Variants in GRIN2B observed in about 807,000 individuals in gnomAD.
GRIN2B encodes the protein glutamate ionotropic receptor NMDA type subunit 2B, also known as glutamate receptor ionotropic, NMDA 2B.
A neutral mutation model predicts 114.5 loss-of-function variants in GRIN2B; 5 were observed. That is an observed-to-expected ratio of 0.04 (90% confidence interval 0.02 to 0.09). GRIN2B has a LOEUF of 0.09. Among genes scored for constraint, GRIN2B ranks in the 10% least tolerant of loss-of-function variants. GRIN2B has a pLI of 1.00. For missense variants in GRIN2B, 1,108 were observed against 1,943.5 expected (o/e 0.57, Z 8.08); for synonymous variants, 787 against 745.1 (o/e 1.06, Z -0.92).
At chr12:13,573,179 C>T (rs1324757176) in intron 10 of GRIN2B, among the ~76,000 whole-genome samples, 5 of 149,362 alleles carry the variant, frequency 3.3e-5, no homozygotes, top group Admixed American at 3.3e-4. Flanking sequence ...CGGTCGGGCA[C>T]GGTGGCTCAC....
intron 2 of GRIN2B, among the ~76,000 whole-genome samples, chr12:13,948,306 A>G (rs1397607927): frequency 6.6e-6 from 1 of 152,126 alleles, no homozygotes; most frequent in Non-Finnish European, 1.5e-5. Flanking sequence ...ATATGTTTAA[A>G]TGCTAAATTC....
chr12:13,826,072 C>G (rs1177683141), intron 3 of GRIN2B, among the ~76,000 whole-genome samples: 2 of 149,962 alleles, frequency 1.3e-5, no homozygotes, highest in Non-Finnish European at 3.0e-5. Context: ...TTTTAGAGTT[C>G]TGTATTACTT....
chr12:13,975,863 G>A (rs183643306), intron 2 of GRIN2B, among the ~76,000 whole-genome samples: 1 of 152,284 alleles, frequency 6.6e-6, no homozygotes, highest in African/African-American at 2.4e-5. Context: ...CCACAGCCTG[G>A]GGCAGCCATG....
chr12:13,575,695 A>AATAATAATAATAATAATAATAATC (rs1591614710), intron 10 of GRIN2B, among the ~76,000 whole-genome samples: 1 of 148,170 alleles, frequency 6.7e-6, no homozygotes, highest in African/African-American at 2.6e-5. Context: ...TAATAATAAT[A>AATAATAATAATAATAATAATAATC]ATCAAAATAA....
chr12:13,856,517 G>T (rs757429365), intron 3 of GRIN2B, among the ~76,000 whole-genome samples: 3 of 152,140 alleles, frequency 2.0e-5, no homozygotes, highest in Non-Finnish European at 4.4e-5. Context: ...TACGAAGGTG[G>T]AACTATCAAG....
intron 5 of GRIN2B, among the ~76,000 whole-genome samples, chr12:13,626,818 C>CCCCCCCCCCCCCCCCCCCCCCCCCCCCCT (rs1649734494): frequency 1.6e-5 from 1 of 62,460 alleles, no homozygotes; most frequent in Admixed American, 2.0e-4. Flanking sequence ...CCCCTCCCCC[C>CCCCCCCCCCCCCCCCCCCCCCCCCCCCCT]CACCCTCCCC....
chr12:13,955,392 G>A (rs192964424), intron 2 of GRIN2B, among the ~76,000 whole-genome samples: 3 of 152,276 alleles, frequency 2.0e-5, no homozygotes, highest in East Asian at 3.9e-4. Context: ...CAAAGATGCT[G>A]AAAGATTAAC....
At chr12:13,635,878 A>T (rs1949662019) in intron 5 of GRIN2B, among the ~76,000 whole-genome samples, 5 of 152,192 alleles carry the variant, frequency 3.3e-5, no homozygotes, top group Admixed American at 2.0e-4. Flanking sequence ...TCGTTTATTC[A>T]GCAGGTATTA....
At chr12:13,751,074 G>C (rs938587792) in intron 4 of GRIN2B, among the ~76,000 whole-genome samples, 1 of 152,142 alleles carries the variant, frequency 6.6e-6, no homozygotes, top group Non-Finnish European at 1.5e-5. Context: ...GGTGGGAAGG[G>C]GCACGCTGGA....
chr12:13,615,483 G>C lies in GRIN2B; in HGVS notation c.1500+10C>G. On this transcript the variant is annotated intron_variant, in intron 7 of 13. Transcript: ENST00000609686. The surrounding 1 kb of genome is among the most constrained non-coding windows in gnomAD (Gnocchi z 5.8). ...AAATGGAAATGGAAACAGCCCTTGTGGACACTCACCTCTCCAATCATACCA... is the reference window on the plus strand; with the variant it reads ...AAATGGAAATGGAAACAGCCCTTGTCGACACTCACCTCTCCAATCATACCA... 1 of 1,608,008 alleles carries C rather than the reference G, an allele frequency of 6.2e-7. No homozygotes were observed.
intron 2 of GRIN2B, among the ~76,000 whole-genome samples, chr12:13,972,555 G>A (rs1862944327): frequency 6.6e-6 from 1 of 152,140 alleles, no homozygotes; most frequent in South Asian, 2.1e-4. Flanking sequence ...ATGTAGATGA[G>A]CAAATGCACA....
intron 3 of GRIN2B, among the ~76,000 whole-genome samples, chr12:13,774,011 A>G (rs2136648613): frequency 6.6e-6 from 1 of 152,286 alleles, no homozygotes; most frequent in South Asian, 2.1e-4. Flanking sequence ...GACCACTCAG[A>G]CTGTCCAGTT....
rs758533546 is a variant in GRIN2B at position 13,564,292 on chromosome 12, T to G, written c.2946A>C (p.Gln982His). 1 of 1,614,180 alleles carries G rather than the reference T, an allele frequency of 6.2e-7. No homozygotes were observed. The highest frequency in any genetic ancestry group is 1.7e-5 in the Admixed American group (1 of 60,030). ...GCCGGTGGTGATGGTGGTAGTGATCTTGGTACACGTTGCTGTCCTTCAGCT... is the reference window on the plus strand; with the variant it reads ...GCCGGTGGTGATGGTGGTAGTGATCGTGGTACACGTTGCTGTCCTTCAGCT... ...NLQLKDSNVYQDHYHHHHRPH... is the reference protein window; with the variant it reads ...NLQLKDSNVYHDHYHHHHRPH... The change falls in exon 14 of 14, where the codon CAA becomes CAC. Residue 982 changes from glutamine (Q) to histidine (H), a missense_variant. By Grantham distance (24) the Gln-to-His change is conservative. This residue lies in a region of GRIN2B where 140 missense variants were observed against 187.5 expected (regional missense o/e 0.75). Coordinates refer to ENST00000609686, the MANE Select transcript of GRIN2B (RefSeq NM_000834.5). The surrounding 1 kb of genome is among the most constrained non-coding windows in gnomAD (Gnocchi z 4.8).
At chr12:13,731,433 A>C (rs1459164242) in intron 4 of GRIN2B, among the ~76,000 whole-genome samples, 5 of 152,120 alleles carry the variant, frequency 3.3e-5, no homozygotes, top group African/African-American at 1.2e-4. Flanking sequence ...CCCCGTGTCC[A>C]CTAAAAATAC....
intron 5 of GRIN2B, among the ~76,000 whole-genome samples, chr12:13,667,273 G>C (rs555469033): frequency 1.3e-5 from 2 of 152,268 alleles, no homozygotes; most frequent in Non-Finnish European, 1.5e-5. Flanking sequence ...CGCACTGTAT[G>C]AGAAGATCAA....
chr12:13,736,952 C>T (rs1393755835), intron 4 of GRIN2B, among the ~76,000 whole-genome samples: 2 of 146,792 alleles, frequency 1.4e-5, no homozygotes, highest in Non-Finnish European at 3.0e-5. Context: ...ATAGCTTGGA[C>T]CTGGGAGGCA....
chr12:13,729,614 T>G (rs1034587723), intron 4 of GRIN2B, among the ~76,000 whole-genome samples: 2 of 151,934 alleles, frequency 1.3e-5, no homozygotes, highest in Non-Finnish European at 2.9e-5. Context: ...ACAGAATATG[T>G]AGGAAAGACT....
chr12:13,672,099 T>C (rs1212263014), intron 5 of GRIN2B, among the ~76,000 whole-genome samples: 1 of 152,252 alleles, frequency 6.6e-6, no homozygotes, highest in Non-Finnish European at 1.5e-5. Context: ...GGTTCCTGTG[T>C]GTTCCATCCC....
intron 4 of GRIN2B, among the ~76,000 whole-genome samples, chr12:13,740,373 T>C (rs1366091616): frequency 1.3e-5 from 2 of 152,202 alleles, no homozygotes; most frequent in Non-Finnish European, 2.9e-5. Flanking sequence ...ACATACAGAA[T>C]AGGGGGTCCA....
Sources: allele counts gnomAD v4.1 joint callset (sites outside exome capture counted in the v4.1 genomes callset), GRCh38; gene constraint gnomAD v4.1.1; regional missense constraint gnomAD v4.1.1; non-coding constraint Gnocchi (gnomAD v3.1); transcripts MANE v1.5; gene names NCBI Gene and HGNC (gene_info 2026-07-23, HGNC 2026-07-21).